HLCS: variants seen among roughly 807,000 people sequenced by gnomAD.
HLCS encodes the protein biotin--protein ligase.
A neutral mutation model predicts 75.0 loss-of-function variants in HLCS; 53 were observed. The ratio of observed to expected loss-of-function variants is 0.71; its 90% CI spans 0.57 to 0.89. The LOEUF (loss-of-function observed/expected upper bound fraction) is 0.89, where lower values mean the gene tolerates loss of function less well. HLCS is among the 40% of genes least tolerant of loss of function. The pLI is 0.00. For missense variants in HLCS, 966 were observed against 1,074.0 expected (o/e 0.90, Z 1.41); for synonymous variants, 431 against 428.6 (o/e 1.01, Z -0.07).
chr21:36,796,996 A>AGCTG (rs1036001670), intron 6 of HLCS, among the ~76,000 whole-genome samples: 4 of 151,956 alleles, frequency 2.6e-5, no homozygotes, highest in African/African-American at 9.7e-5. Flanking sequence ...CCTCCCAAGT[A>AGCTG]GCTGGGACTA....
At chr21:36,942,128 C>T (rs1455060417) in intron 2 of HLCS, among the ~76,000 whole-genome samples, 2 of 151,674 alleles carry the variant, frequency 1.3e-5, no homozygotes, top group Non-Finnish European at 2.9e-5. Flanking sequence ...AGCCAACACT[C>T]CAGCCTGGCA....
intron 6 of HLCS, among the ~76,000 whole-genome samples, chr21:36,888,465 TATATATATATATATATATATATATA>T (rs2064610167): frequency 3.0e-5 from 1 of 33,388 alleles, no homozygotes; most frequent in African/African-American, 8.1e-5. Flanking sequence ...TATATATATA[TATATATATATATATATATATATATA>T]TATATATTTA....
intron 6 of HLCS, among the ~76,000 whole-genome samples, chr21:36,852,343 T>C (rs2063040487): frequency 6.6e-6 from 1 of 152,192 alleles, no homozygotes; most frequent in Admixed American, 6.5e-5. Flanking sequence ...ACCTGAACAT[T>C]ACCATGGAGC....
At chr21:36,826,620 A>G (rs565949885) in intron 6 of HLCS, among the ~76,000 whole-genome samples, 6 of 152,358 alleles carry the variant, frequency 3.9e-5, no homozygotes, top group Admixed American at 3.3e-4. Context: ...TCCAACTAGC[A>G]CAGGGTAAAT....
intron 6 of HLCS, among the ~76,000 whole-genome samples, chr21:36,874,673 A>T (rs2063898932): frequency 6.6e-6 from 1 of 152,210 alleles, no homozygotes; most frequent in South Asian, 2.1e-4. Flanking sequence ...GCCCATCTGG[A>T]GCAGCCACTG....
Position 36,750,113 on chromosome 21 carries a change from T to G in HLCS, c.*4133A>C, listed in dbSNP as rs76431889. On this transcript the variant is annotated 3_prime_UTR_variant, in exon 11 of 11. Transcript: ENST00000674895. ...ACTGTGGCAACCTAATATTGTGACC[T>G]CCATCTTGAAGAGTCTGCACATTTA... 0.043 allele frequency among the ~76,000 whole-genome samples: 6,582 copies of G among 152,312 alleles called. 313 individuals carry two copies. Among genetic ancestry groups the G allele is most frequent in the East Asian group, 0.16 (853 of 5,184 alleles).
chr21:36,813,845 C>T (rs567740662), intron 6 of HLCS, among the ~76,000 whole-genome samples: 2 of 152,260 alleles, frequency 1.3e-5, no homozygotes, highest in African/African-American at 4.8e-5. Context: ...GGCCAATAAA[C>T]GAGAGCTTCG....
At chr21:36,827,906 C>T (rs1165997726) in intron 6 of HLCS, among the ~76,000 whole-genome samples, 2 of 151,552 alleles carry the variant, frequency 1.3e-5, no homozygotes, top group African/African-American at 2.4e-5. Context: ...CTCCACCTCC[C>T]GGGTTCACAC....
Position 36,897,138 on chromosome 21 carries a change from C to A in HLCS, c.1621-7G>T. The A allele has an allele frequency of 1.2e-6, 2 of 1,613,934 alleles. No homozygotes were observed. The highest frequency in any genetic ancestry group is 2.2e-5 in the South Asian group (2 of 91,036). ...TAAGAGGATCCCTGATTTCCTGTGT[C>A]ATAAAGAAAGAAATGAGATGGTCGT... On this transcript the variant is annotated splice_region_variant and splice_polypyrimidine_tract_variant and intron_variant, in intron 5 of 10. Coordinates refer to ENST00000674895, the MANE Select transcript of HLCS (RefSeq NM_001352514.2).
Position 36,754,122 on chromosome 21 carries a change from A to T in HLCS, c.*124T>A. The T allele has an allele frequency of 1.9e-6, 2 of 1,062,134 alleles. No homozygotes were observed. Among genetic ancestry groups the T allele is most frequent in the Non-Finnish European group, 2.8e-6 (2 of 719,880 alleles). 65.8% of individuals were successfully genotyped at this position (1,062,134 alleles called of 1,614,324 possible). On this transcript the variant is annotated 3_prime_UTR_variant, in exon 11 of 11. Coordinates refer to ENST00000674895, the MANE Select transcript of HLCS (RefSeq NM_001352514.2). ...AAAACAAACCTAAAAACAAACAGAA[A>T]CACAGAAAAAGAACAAAGACTTAAC...
intron 6 of HLCS, among the ~76,000 whole-genome samples, chr21:36,796,749 TTA>T (rs1412179915): frequency 6.6e-6 from 1 of 152,224 alleles, no homozygotes; most frequent in East Asian, 1.9e-4. Flanking sequence ...GGACCCATGT[TTA>T]TGAATAATAA....
chr21:36,940,658 G>T (rs934400200), intron 2 of HLCS, among the ~76,000 whole-genome samples: 8 of 152,226 alleles, frequency 5.3e-5, no homozygotes, highest in Non-Finnish European at 5.9e-5. Context: ...ACAGAGGAAA[G>T]GGGTATTCCT....
intron 3 of HLCS, 131 bp downstream of exon 3, chr21:36,938,701 C>G: frequency 2.3e-6 from 2 of 881,656 alleles, no homozygotes; most frequent in South Asian, 2.7e-5. Flanking sequence ...AGATAGGGGT[C>G]TATGCTGCTC....
chr21:36,898,974 T>C (rs1045797431), intron 5 of HLCS, among the ~76,000 whole-genome samples: 1 of 151,972 alleles, frequency 6.6e-6, no homozygotes, highest in Non-Finnish European at 1.5e-5. Context: ...GGTGGAAAGA[T>C]TGCTTGAGCC....
At chr21:36,844,747 G>C (rs2835484) in intron 6 of HLCS, among the ~76,000 whole-genome samples, 71,446 of 151,308 alleles carry the variant, frequency 0.47, 19,326 homozygotes, top group African/African-American at 0.74. Context: ...AAATATATTG[G>C]AAAATGTATT....
intron 6 of HLCS, among the ~76,000 whole-genome samples, chr21:36,862,947 T>C (rs940175080): frequency 4.8e-4 from 70 of 145,420 alleles, no homozygotes; most frequent in East Asian, 1.2e-3. Context: ...CTTTCTCTCT[T>C]TTTTTTTTTT....
chr21:36,950,126 G>C (rs976866631), intron 2 of HLCS, among the ~76,000 whole-genome samples: 1 of 151,890 alleles, frequency 6.6e-6, no homozygotes, highest in Admixed American at 6.6e-5. Flanking sequence ...AATCCCTTCT[G>C]CAATCTGCCT....
chr21:36,880,472 T>C (rs1423685343), intron 6 of HLCS, among the ~76,000 whole-genome samples: 1 of 152,186 alleles, frequency 6.6e-6, no homozygotes, highest in Non-Finnish European at 1.5e-5. Flanking sequence ...TTTCTTGTAT[T>C]ACCTCAATGG....
chr21:36,762,730 T>C (rs2089895383), intron 8 of HLCS, among the ~76,000 whole-genome samples: 1 of 152,176 alleles, frequency 6.6e-6, no homozygotes, highest in African/African-American at 2.4e-5. Context: ...AGAACATTGG[T>C]ACAAGCTTCT....
Sources: allele counts gnomAD v4.1 joint callset (sites outside exome capture counted in the v4.1 genomes callset), GRCh38; gene constraint gnomAD v4.1.1; transcripts MANE v1.5; gene names NCBI Gene and HGNC (gene_info 2026-07-23, HGNC 2026-07-21).